ZCWPW2: variants seen among roughly 807,000 people sequenced by gnomAD.
The protein encoded by ZCWPW2 is zinc finger CW-type PWWP domain protein 2.
ZCWPW2 carries 45 observed loss-of-function variants against 46.6 expected under a neutral mutation model. The observed-to-expected ratio is 0.96, with a 90% CI of 0.76 to 1.24. The LOEUF (loss-of-function observed/expected upper bound fraction) is 1.24, where lower values mean the gene tolerates loss of function less well. Ranked by LOEUF, ZCWPW2 falls within the 50% of genes most tolerant of loss-of-function variation. ZCWPW2 has a pLI of 0.00. For missense variants in ZCWPW2, 429 were observed against 403.9 expected, an observed-to-expected ratio of 1.06 and a Z score of -0.53; for synonymous variants, 152 against 137.1, an observed-to-expected ratio of 1.11 and a Z score of -0.76.
At chr3:28,380,526 A>C (rs1019201385) in intron 1 of ZCWPW2, among the ~76,000 whole-genome samples, 1 of 152,156 alleles carries the variant, frequency 6.6e-6, no homozygotes, top group Non-Finnish European at 1.5e-5. Flanking sequence ...CATCTTTACT[A>C]TAAACCTGCC....
chr3:28,471,836 C>G (rs1371895493), intron 4 of ZCWPW2, among the ~76,000 whole-genome samples: 5 of 152,102 alleles, frequency 3.3e-5, no homozygotes, highest in African/African-American at 1.2e-4. Flanking sequence ...AACCTAAAGA[C>G]TTCACCAAAA....
chr3:28,373,551 C>G (rs66839630), intron 1 of ZCWPW2, among the ~76,000 whole-genome samples: 31,669 of 151,988 alleles, frequency 0.21, 3,704 homozygotes, highest in Admixed American at 0.28. Flanking sequence ...CTCTGGCTCA[C>G]TGCAAGCTCT....
rs1338084227 is a variant in ZCWPW2 at position 28,365,559 on chromosome 3, A to G, written c.-134+16356A>G. ...GTTTTGGTTACCGTAGCCTTGGAGT[A>G]TAGTTTGAAGTCAGGTAGCGTGATG... On this transcript the variant is annotated intron_variant, in intron 1 of 9. Coordinates refer to ENST00000383768, the MANE Select transcript of ZCWPW2 (RefSeq NM_001040432.4). 3.6e-5 allele frequency among the ~76,000 whole-genome samples: 5 copies of G among 140,824 alleles called. 1 individual carries two copies. Among genetic ancestry groups the G allele is most frequent in the Non-Finnish European group, 7.9e-5 (5 of 62,960 alleles). 92.4% of individuals were successfully genotyped at this position (140,824 alleles called of 152,430 possible).
chr3:28,498,238 C>CGT (rs56760870), intron 6 of ZCWPW2, among the ~76,000 whole-genome samples: 9,131 of 145,468 alleles, frequency 0.063, 390 homozygotes, highest in African/African-American at 0.12. Flanking sequence ...TACATATATA[C>CGT]GTGTGTGTGT....
At chr3:28,520,059 C>A (rs937249693) in intron 8 of ZCWPW2, among the ~76,000 whole-genome samples, 2 of 146,752 alleles carry the variant, frequency 1.4e-5, no homozygotes, top group African/African-American at 5.1e-5. Context: ...AGCTGGAGTG[C>A]AGTGGTGTGA....
intron 6 of ZCWPW2, among the ~76,000 whole-genome samples, chr3:28,508,208 C>A (rs1459982214): frequency 6.6e-6 from 1 of 152,090 alleles, no homozygotes; most frequent in African/African-American, 2.4e-5. Flanking sequence ...GAAGGATTTA[C>A]CCCTATAACC....
intron 2 of ZCWPW2, among the ~76,000 whole-genome samples, chr3:28,392,991 A>T (rs546959120): frequency 6.6e-6 from 1 of 152,166 alleles, no homozygotes; most frequent in African/African-American, 2.4e-5. Flanking sequence ...AAAAGATCAA[A>T]GGAGAGAAGA....
At position 28,380,948 on chromosome 3, in the gene ZCWPW2, A is replaced by ATATATATATATATATATATTTGG. The variant is rs1559480562; in HGVS notation, c.-133-9531_-133-9530insTTGGTATATATATATATATATAT. On this transcript the variant is annotated intron_variant, in intron 1 of 9. Coordinates refer to ENST00000383768, the MANE Select transcript of ZCWPW2 (RefSeq NM_001040432.4). ...ATATATATTTGGTATATATATATAT[A>ATATATATATATATATATATTTGG]TATATATATATATATATATATATTT... 1.7e-4 allele frequency among the ~76,000 whole-genome samples: 7 copies of ATATATATATATATATATATTTGG among 41,428 alleles called. 2 individuals carry two copies. The highest frequency in any genetic ancestry group is 8.6e-4 in the African/African-American group (7 of 8,150). 27.2% of individuals were successfully genotyped at this position (41,428 alleles called of 152,430 possible). A position where few individuals can be genotyped will look rare whatever the true frequency, so the allele number is the denominator to read the frequency against.
intron 6 of ZCWPW2, 117 bp downstream of exon 6, chr3:28,492,290 C>A: frequency 1.2e-6 from 1 of 861,400 alleles, no homozygotes; most frequent in Non-Finnish European, 1.7e-6. Context: ...ATTTTTTCTT[C>A]TGAATGTTAC....
At chr3:28,350,698 AAATT>A (rs1425493637) in intron 1 of ZCWPW2, among the ~76,000 whole-genome samples, 2 of 151,914 alleles carry the variant, frequency 1.3e-5, no homozygotes, top group African/African-American at 2.4e-5. Context: ...CAAATAAAAT[AAATT>A]GTTAGAGAAA....
At chr3:28,517,026 ACTT>A (rs887039234) in intron 8 of ZCWPW2, among the ~76,000 whole-genome samples, 1 of 152,092 alleles carries the variant, frequency 6.6e-6, no homozygotes, top group Non-Finnish European at 1.5e-5. Flanking sequence ...TTAAAAAATA[ACTT>A]CTTTTTTTAC....
chr3:28,417,349 G>C (rs1031218346), intron 3 of ZCWPW2, among the ~76,000 whole-genome samples: 1 of 151,994 alleles, frequency 6.6e-6, no homozygotes, highest in South Asian at 2.1e-4. Flanking sequence ...CCAATAACAG[G>C]CTCTGAAATT....
chr3:28,432,663 C>A (rs1697312379), intron 3 of ZCWPW2, among the ~76,000 whole-genome samples: 1 of 151,946 alleles, frequency 6.6e-6, no homozygotes, highest in African/African-American at 2.4e-5. Context: ...TTACATTGTG[C>A]TTTTAAATAC....
rs897143223 is a variant in ZCWPW2, at chr3:28,353,142, C to A, written c.-134+3939C>A. ...GAGGCCACAGTGAACTGAGATTGCA[C>A]CACTGCACTCCGGCCTGGGTGACAG... is the stretch of plus-strand genomic sequence containing the variant. On this transcript the variant is annotated intron_variant, in intron 1 of 9. Transcript: ENST00000383768. 4.6e-5 allele frequency among the ~76,000 whole-genome samples: 7 copies of A among 151,962 alleles called. 1 individual carries two copies. Among genetic ancestry groups the A allele is most frequent in the African/African-American group, 1.7e-4 (7 of 41,334 alleles).
Position 28,413,493 on chromosome 3 carries a change from T to C in ZCWPW2, c.332+93T>C, listed in dbSNP as rs111478059. 8 of 1,108,004 alleles carry C rather than the reference T, an allele frequency of 7.2e-6. No homozygotes were observed. In the South Asian group the frequency reaches 1.2e-4, roughly 17 times the overall value. The allele number at this position is 1,108,004 out of a possible 1,614,324, so 68.6% of individuals were successfully genotyped here. On this transcript the variant is annotated intron_variant, in intron 3 of 9. Transcript: ENST00000383768. ...TTTTGAAGACTAAACATTTTTCTTT[T>C]GTCTACTTGTTTCTTGATTTATCAT...
chr3:28,515,979 G>A (rs947597604), intron 8 of ZCWPW2, among the ~76,000 whole-genome samples: 3 of 151,908 alleles, frequency 2.0e-5, no homozygotes, highest in Non-Finnish European at 2.9e-5. Context: ...GGTGGCTCAC[G>A]CCTGTAATCC....
At chr3:28,377,516 A>C (rs1705541399) in intron 1 of ZCWPW2, among the ~76,000 whole-genome samples, 1 of 152,090 alleles carries the variant, frequency 6.6e-6, no homozygotes. Flanking sequence ...GAAAGTGGTC[A>C]ACTGAATTAA....
intron 4 of ZCWPW2, among the ~76,000 whole-genome samples, chr3:28,445,469 TG>T (rs1216367176): frequency 6.6e-6 from 1 of 152,074 alleles, no homozygotes; most frequent in Non-Finnish European, 1.5e-5. Context: ...GAAGATAAGC[TG>T]GTATAAATTC....
At chr3:28,513,630 T>C (rs1201761551) in intron 6 of ZCWPW2, among the ~76,000 whole-genome samples, 3 of 152,154 alleles carry the variant, frequency 2.0e-5, no homozygotes, top group Non-Finnish European at 4.4e-5. Context: ...CTCAAACTCC[T>C]TTGGCCCCTT....
Sources: gnomAD v4.1 joint callset for allele counts (sites outside exome capture counted in the v4.1 genomes callset) on GRCh38, gnomAD v4.1.1 for gene constraint, MANE v1.5 for transcripts, NCBI Gene and HGNC (gene_info 2026-07-23, HGNC 2026-07-21) for gene names.